Variants in RANBP2 observed in about 807,000 individuals in gnomAD.
RANBP2 encodes RAN binding protein 2, also known as E3 SUMO-protein ligase RanBP2.
In RANBP2, 57 loss-of-function variants were observed where a neutral mutation model predicts 303.6. The ratio of observed to expected loss-of-function variants is 0.19; its 90% CI spans 0.15 to 0.23. The LOEUF is 0.23. RANBP2 is among the 10% of genes least tolerant of loss of function. The pLI is 1.00. For missense variants in RANBP2, 3,138 were observed against 3,780.8 expected, an observed-to-expected ratio of 0.83 and a Z score of 4.46; for synonymous variants, 1,167 against 1,301.5, an observed-to-expected ratio of 0.90 and a Z score of 2.23.
the RANBP2 span, among the ~76,000 whole-genome samples, chr2:109,438,429 G>T: frequency 6.6e-6 from 1 of 152,186 alleles, no homozygotes; most frequent in Non-Finnish European, 1.5e-5. Context: ...TGCTGGTGGT[G>T]TACCTGTCAA....
the RANBP2 span, chr2:109,616,037 A>C: frequency 6.6e-7 from 1 of 1,515,830 alleles, no homozygotes; most frequent in Non-Finnish European, 8.8e-7. Context: ...CGCCCTTCAC[A>C]TTGAGACCAA....
At chr2:109,389,958 G>C in the RANBP2 span, among the ~76,000 whole-genome samples, 2 of 152,112 alleles carry the variant, frequency 1.3e-5, no homozygotes, top group African/African-American at 2.4e-5. Context: ...TGCTCCCCTT[G>C]TTCCTCCTCA....
At position 108,751,374 on chromosome 2, in the gene RANBP2, C is replaced by G; in HGVS notation, c.1384C>G (p.His462Asp). Reference protein sequence around the residue: ...GIRKWLKQLFHHLPHETSRLE... With the variant: ...GIRKWLKQLFDHLPHETSRLE... The stretch of plus-strand genomic sequence containing the variant: ...CCGAAAATGGCTAAAACAGCTTTTC[C>G]ATCATTTGCCCCATGAAACCTCAAG... Residue 462 changes from histidine (H) to aspartate (D), a missense_variant, in exon 10 of 29, where the codon CAT becomes GAT. His to Asp is a moderately conservative substitution (Grantham distance 81). Coordinates refer to ENST00000283195, the MANE Select transcript of RANBP2 (RefSeq NM_006267.5). 1.2e-6 allele frequency: 2 copies of G among 1,611,994 alleles called. No homozygotes were observed. The highest frequency in any genetic ancestry group is 2.2e-5 in the East Asian group (1 of 44,880).
At chr2:109,223,724 T>C in the RANBP2 span, among the ~76,000 whole-genome samples, 1 of 152,096 alleles carries the variant, frequency 6.6e-6, no homozygotes, top group East Asian at 1.9e-4. Context: ...GGATGTGTCG[T>C]TGTCTTTCCT....
At chr2:108,882,426 A>T in the RANBP2 span, 18 of 152,312 alleles carry the variant, frequency 1.2e-4, 1 homozygote, top group African/African-American at 4.1e-4. Flanking sequence ...CCTTCTGATG[A>T]ACAGACAGAA....
At chr2:109,435,453 G>A in the RANBP2 span, among the ~76,000 whole-genome samples, 1 of 152,234 alleles carries the variant, frequency 6.6e-6, no homozygotes, top group African/African-American at 2.4e-5. Context: ...TCCACCACCT[G>A]TGTTTGCCCC....
chr2:109,518,581 A>G, the RANBP2 span, among the ~76,000 whole-genome samples: 1 of 152,104 alleles, frequency 6.6e-6, no homozygotes, highest in African/African-American at 2.4e-5. Flanking sequence ...GGACATTCCC[A>G]CCATTAGCAG....
At chr2:109,120,701 G>A in the RANBP2 span, among the ~76,000 whole-genome samples, 1 of 150,096 alleles carries the variant, frequency 6.7e-6, no homozygotes, top group Non-Finnish European at 1.5e-5. Flanking sequence ...GCAGCCTCTA[G>A]GTGAAGGGTT....
chr2:109,664,833 G>A, the RANBP2 span, among the ~76,000 whole-genome samples: 1 of 151,840 alleles, frequency 6.6e-6, no homozygotes, highest in African/African-American at 2.4e-5. Flanking sequence ...GGGAGGCTGA[G>A]GCAGGAGAAC....
the RANBP2 span, among the ~76,000 whole-genome samples, chr2:109,045,503 C>T: frequency 1.3e-5 from 2 of 152,118 alleles, no homozygotes; most frequent in Non-Finnish European, 2.9e-5. Flanking sequence ...AGGGTTAGGA[C>T]AGCGACCGCT....
the RANBP2 span, chr2:108,930,311 C>A: frequency 1.1e-5 from 18 of 1,606,876 alleles, no homozygotes; most frequent in Non-Finnish European, 1.5e-5. Flanking sequence ...TGCAAGACCC[C>A]AAGGTTGACA....
At chr2:109,475,794 C>A in the RANBP2 span, among the ~76,000 whole-genome samples, 2 of 152,194 alleles carry the variant, frequency 1.3e-5, no homozygotes, top group Non-Finnish European at 2.9e-5. Context: ...ATTCCTGGTT[C>A]CTCTGAAACA....
the RANBP2 span, among the ~76,000 whole-genome samples, chr2:109,402,139 G>A: frequency 1.2e-4 from 19 of 152,226 alleles, no homozygotes; most frequent in Admixed American, 6.5e-5. Flanking sequence ...TGCTGCTATG[G>A]TCTGGATGTG....
chr2:108,777,439 C>T (rs1459656804), intron 25 of RANBP2, among the ~76,000 whole-genome samples: 1 of 152,008 alleles, frequency 6.6e-6, no homozygotes, highest in African/African-American at 2.4e-5. Flanking sequence ...TTTATATAAG[C>T]CATGCTGATA....
the RANBP2 span, among the ~76,000 whole-genome samples, chr2:109,254,560 G>C: frequency 6.6e-6 from 1 of 152,216 alleles, no homozygotes; most frequent in Non-Finnish European, 1.5e-5. Context: ...TGTAGATGCT[G>C]ATTAAAACTT....
chr2:109,193,672 T>C, the RANBP2 span, among the ~76,000 whole-genome samples: 1 of 152,222 alleles, frequency 6.6e-6, no homozygotes, highest in Non-Finnish European at 1.5e-5. Context: ...GAGTTGTTTC[T>C]ACCTCTACAT....
chr2:109,680,965 T>G, the RANBP2 span, among the ~76,000 whole-genome samples: 3 of 152,204 alleles, frequency 2.0e-5, no homozygotes, highest in Admixed American at 2.0e-4. Flanking sequence ...GCAATTCTCC[T>G]AAATTCATAG....
At chr2:108,843,313 A>T in the RANBP2 span, among the ~76,000 whole-genome samples, 1 of 151,924 alleles carries the variant, frequency 6.6e-6, no homozygotes, top group Non-Finnish European at 1.5e-5. Flanking sequence ...GCCCACCACC[A>T]TGCCTGTCTA....
chr2:109,305,420 C>T, the RANBP2 span, among the ~76,000 whole-genome samples: 16 of 152,228 alleles, frequency 1.1e-4, no homozygotes, highest in African/African-American at 2.6e-4. Context: ...AGGGGAACAT[C>T]GTGCTTCCTA....
Sources: gnomAD v4.1 joint callset for allele counts (sites outside exome capture counted in the v4.1 genomes callset) on GRCh38, gnomAD v4.1.1 for gene constraint, MANE v1.5 for transcripts, NCBI Gene and HGNC (gene_info 2026-07-23, HGNC 2026-07-21) for gene names.